Variants in GPCPD1 observed in about 807,000 individuals in gnomAD.
The protein encoded by GPCPD1 is glycerophosphocholine phosphodiesterase 1, also known as glycerophosphocholine phosphodiesterase GPCPD1.
A neutral mutation model predicts 89.2 loss-of-function variants in GPCPD1; 29 were observed. That is an observed-to-expected ratio of 0.33 (90% CI 0.24 to 0.44). GPCPD1 has a LOEUF of 0.44. Ranked by LOEUF, GPCPD1 falls within the 20% of genes least tolerant of loss-of-function variation. GPCPD1 has a pLI of 1.00. For synonymous variants in GPCPD1, 258 were observed against 266.3 expected (o/e 0.97, Z 0.30); for missense variants, 594 against 808.9 (o/e 0.73, Z 3.22).
intron 1 of GPCPD1, among the ~76,000 whole-genome samples, chr20:5,604,800 CA>C (rs1177577862): frequency 4.0e-4 from 60 of 151,292 alleles, no homozygotes; most frequent in African/African-American, 1.5e-3. Flanking sequence ...CACACACACA[CA>C]CACACGCCAG....
At chr20:5,592,136 T>C (rs1979370724) in intron 4 of GPCPD1, among the ~76,000 whole-genome samples, 1 of 152,326 alleles carries the variant, frequency 6.6e-6, no homozygotes, top group East Asian at 1.9e-4. Flanking sequence ...ATCTTTCTCA[T>C]CCAAACTCCC....
Position 5,576,062 on chromosome 20 carries a change from G to C in GPCPD1, c.706-84C>G, listed in dbSNP as rs200245746. On this transcript the variant is annotated intron_variant, in intron 8 of 19. Transcript: ENST00000379019. ...ATATACACACACACACACACACACA[G>C]ACACACACACACATATCTCCTATAT... 7.8e-4 allele frequency: 392 copies of C among 501,792 alleles called. 2 individuals are homozygous for C. The highest frequency in any genetic ancestry group is 5.0e-3 in the African/African-American group (243 of 48,678). 31.1% of individuals were successfully genotyped at this position (501,792 alleles called of 1,614,324 possible). A position where few individuals can be genotyped will look rare whatever the true frequency, so the allele number is the denominator to read the frequency against.
chr20:5,588,418 T>C (rs959443938), intron 4 of GPCPD1, among the ~76,000 whole-genome samples: 2 of 151,996 alleles, frequency 1.3e-5, no homozygotes, highest in African/African-American at 2.4e-5. Context: ...GGCACGAGAA[T>C]TGCTTGACCG....
rs976559026 is a variant in GPCPD1 at position 5,546,360 on chromosome 20, G to C, written c.*1301C>G. On this transcript the variant is annotated 3_prime_UTR_variant, in exon 20 of 20. Transcript: ENST00000379019. ...TGTGAAAAACATGCAGTAAAAGGTAGATGCAAATAAGCCATCCCTTTAGGG... is the reference window on the plus strand; with the variant it reads ...TGTGAAAAACATGCAGTAAAAGGTACATGCAAATAAGCCATCCCTTTAGGG... 4 of 152,186 alleles carry C rather than the reference G, an allele frequency of 2.6e-5. No homozygotes were observed. Among genetic ancestry groups the C allele is most frequent in the Admixed American group, 2.0e-4 (3 of 15,280 alleles). The allele number at this position is 152,186 out of a possible 1,614,324, so 9.4% of individuals were successfully genotyped here. A position where few individuals can be genotyped will look rare whatever the true frequency, so the allele number is the denominator to read the frequency against.
intron 4 of GPCPD1, among the ~76,000 whole-genome samples, chr20:5,587,706 A>T (rs1979025133): frequency 6.6e-6 from 1 of 152,298 alleles, no homozygotes; most frequent in African/African-American, 2.4e-5. Flanking sequence ...AAGCTTCTCT[A>T]TTATCTTTAG....
chr20:5,600,798 C>T (rs1229436171), intron 2 of GPCPD1, among the ~76,000 whole-genome samples: 2 of 152,030 alleles, frequency 1.3e-5, no homozygotes, highest in East Asian at 3.9e-4. Flanking sequence ...CACCAGTGCA[C>T]TCCAGCCTGG....
intron 12 of GPCPD1, among the ~76,000 whole-genome samples, chr20:5,568,218 CA>C (rs2122620953): frequency 8.2e-6 from 1 of 122,168 alleles, no homozygotes; most frequent in East Asian, 2.5e-4. Context: ...ATCTGTCCAA[CA>C]AATATACTTA....
intron 6 of GPCPD1, among the ~76,000 whole-genome samples, chr20:5,582,907 AAG>A (rs1371759706): frequency 6.6e-6 from 1 of 151,614 alleles, no homozygotes; most frequent in Non-Finnish European, 1.5e-5. Context: ...AAAAAAAAAA[AAG>A]AATGCAGTTT....
intron 14 of GPCPD1, 70 bp from the exon 15 acceptor site, chr20:5,565,148 T>C (rs976192977): frequency 8.7e-6 from 7 of 808,370 alleles, no homozygotes; most frequent in Admixed American, 1.9e-5. Flanking sequence ...TCTTAAATCC[T>C]TAGTGCCAAA....
intron 11 of GPCPD1, 107 bp from the exon 12 acceptor site, chr20:5,570,346 C>A: frequency 2.1e-5 from 5 of 241,044 alleles, no homozygotes; most frequent in Non-Finnish European, 4.2e-5. Context: ...CAGACCTGTA[C>A]AAACTTTTTC....
At chr20:5,573,086 C>CT (rs201953819) in intron 11 of GPCPD1, among the ~76,000 whole-genome samples, 30,232 of 144,060 alleles carry the variant, frequency 0.21, 3,201 homozygotes, top group Middle Eastern at 0.25. Context: ...ATCTTTCCTT[C>CT]TTTTTTTTTT....
In GPCPD1 at chr20:5,547,377, T is replaced by C. The variant is rs993456348; in HGVS notation, c.*284A>G. ...AGTTAATTTCAAAGTGCTATGCTTT[T>C]AATGAACATATGTTTAACATTATAG... is the stretch of plus-strand genomic sequence containing the variant. On this transcript the variant is annotated 3_prime_UTR_variant, in exon 20 of 20. Coordinates refer to ENST00000379019, the MANE Select transcript of GPCPD1 (RefSeq NM_019593.5). 1 of 176,814 alleles carries C rather than the reference T, an allele frequency of 5.7e-6. No homozygotes were observed. The highest frequency in any genetic ancestry group is 2.4e-5 in the African/African-American group (1 of 42,390). 11.0% of individuals were successfully genotyped at this position (176,814 alleles called of 1,614,324 possible).
chr20:5,594,913 A>G (rs902727189), intron 3 of GPCPD1, among the ~76,000 whole-genome samples: 3 of 152,186 alleles, frequency 2.0e-5, no homozygotes, highest in African/African-American at 7.2e-5. Flanking sequence ...CAAATCTCAT[A>G]ATGTTTCAAA....
intron 5 of GPCPD1, chr20:5,584,709 T>C (rs988836352): frequency 6.3e-6 from 1 of 158,098 alleles, no homozygotes; most frequent in South Asian, 1.8e-4. Flanking sequence ...TGCTTATTCT[T>C]ATGTAGTGCA....
chr20:5,579,621 T>C (rs1978327587), intron 7 of GPCPD1, among the ~76,000 whole-genome samples: 1 of 152,224 alleles, frequency 6.6e-6, no homozygotes, highest in Non-Finnish European at 1.5e-5. Context: ...GTGCTGGGAC[T>C]ACAGTTGTGA....
rs73896226 is a variant in GPCPD1, at chr20:5,574,221, T to C, written c.1002-252A>G. The C allele has an allele frequency of 3.8e-3, 1,776 of 461,360 alleles. 33 individuals carry two copies. Among genetic ancestry groups the C allele is most frequent in the African/African-American group, 0.032 (1,617 of 50,206 alleles). The allele number at this position is 461,360 out of a possible 1,614,324, so 28.6% of individuals were successfully genotyped here. On this transcript the variant is annotated intron_variant, in intron 10 of 19. Coordinates refer to ENST00000379019, the MANE Select transcript of GPCPD1 (RefSeq NM_019593.5). The stretch of plus-strand genomic sequence containing the variant: ...CACAACATGCACTTGCCTTGTACCA[T>C]GGACTTTTTTCTTGGAGACATGTAA...
intron 19 of GPCPD1, among the ~76,000 whole-genome samples, chr20:5,555,248 T>C (rs572893490): frequency 5.0e-4 from 76 of 152,300 alleles, no homozygotes; most frequent in African/African-American, 1.7e-3. Context: ...AAGATGTACT[T>C]ACTACTGTGG....
chr20:5,600,821 G>A (rs1055363911), intron 2 of GPCPD1, among the ~76,000 whole-genome samples: 1 of 151,226 alleles, frequency 6.6e-6, no homozygotes, highest in African/African-American at 2.4e-5. Context: ...GACAGAGCGA[G>A]ACTCTTAAAA....
chr20:5,581,518 G>T (rs1030022664), intron 6 of GPCPD1, among the ~76,000 whole-genome samples: 27 of 152,104 alleles, frequency 1.8e-4, no homozygotes, highest in African/African-American at 6.0e-4. Flanking sequence ...CACTAGTGCC[G>T]GGGGTGTGAG....
Sources: gnomAD v4.1 joint callset for allele counts (sites outside exome capture counted in the v4.1 genomes callset) on GRCh38, gnomAD v4.1.1 for gene constraint, MANE v1.5 for transcripts, NCBI Gene and HGNC (gene_info 2026-07-23, HGNC 2026-07-21) for gene names.